Variants in FANCD2 observed in about 807,000 individuals in gnomAD.
The protein encoded by FANCD2 is Fanconi anemia group D2 protein.
Under a neutral mutation model 192.3 loss-of-function variants are expected in FANCD2, and 131 were observed. The observed-to-expected ratio is 0.68, with a 90% confidence interval of 0.59 to 0.79. The LOEUF (loss-of-function observed/expected upper bound fraction) is 0.79. FANCD2 is among the 30% of genes least tolerant of loss of function. FANCD2 has a pLI of 0.00. For missense variants in FANCD2, 1,508 were observed against 1,701.6 expected, an observed-to-expected ratio of 0.89 and a Z score of 2.00; for synonymous variants, 524 against 612.5, an observed-to-expected ratio of 0.86 and a Z score of 2.13.
At chr3:10,038,200 C>T (rs572126169) in intron 7 of FANCD2, among the ~76,000 whole-genome samples, 58 of 152,286 alleles carry the variant, frequency 3.8e-4, no homozygotes, top group African/African-American at 1.2e-3. Context: ...CCATGTTGGC[C>T]AGGCTGGCCT....
chr3:10,052,570 TGCA>T, intron 18 of FANCD2, 73 bp downstream of exon 18: 1 of 1,005,198 alleles, frequency 9.9e-7, no homozygotes, highest in Non-Finnish European at 1.6e-6. Flanking sequence ...TAGACTGGAG[TGCA>T]GTTGGCACGA....
chr3:10,030,582 G>GT (rs2086567267), intron 2 of FANCD2, among the ~76,000 whole-genome samples: 1 of 152,128 alleles, frequency 6.6e-6, no homozygotes, highest in Non-Finnish European at 1.5e-5. Flanking sequence ...CCAAAACCAT[G>GT]TAAGGAATAG....
chr3:10,033,761 C>T (rs1360371424), intron 3 of FANCD2, among the ~76,000 whole-genome samples: 8 of 109,418 alleles, frequency 7.3e-5, no homozygotes, highest in African/African-American at 2.6e-4. Context: ...AGTGCAGTGG[C>T]GCGATCTCTG....
rs186750908 is a variant in FANCD2, at chr3:10,059,521, C to A, written c.1657-773C>A. ...ATCCTTAAAACAACCTTCTCCATTT[C>A]GGGCCAGGCACGTAATCACCCCTGT... On this transcript the variant is annotated intron_variant, in intron 18 of 43. Transcript: ENST00000675286. Among the ~76,000 whole-genome samples the A allele has an allele frequency of 3.9e-5, 6 of 152,224 alleles. No homozygotes were observed. In the South Asian group the frequency reaches 1.2e-3, roughly 32 times the overall value.
Position 10,040,956 on chromosome 3 carries a change from G to A in FANCD2, c.696-667G>A, listed in dbSNP as rs554180120. On this transcript the variant is annotated intron_variant, in intron 9 of 43. Transcript: ENST00000675286. ...TGCCTTTAATCCCAGCATGTTGGGC[G>A]GCTGAAGTGGGTGGGTCACTTGAGC... The A allele has an allele frequency of 3.6e-5, 6 of 166,120 alleles. 1 individual carries two copies. In the South Asian group the frequency reaches 6.0e-4, roughly 17 times the overall value. 10.3% of individuals were successfully genotyped at this position (166,120 alleles called of 1,614,324 possible). A position where few individuals can be genotyped will look rare whatever the true frequency, so the allele number is the denominator to read the frequency against.
In FANCD2 at chr3:10,088,120, C is replaced by A. The variant is rs188909356; in HGVS notation, c.3467-329C>A. On this transcript the variant is annotated intron_variant, in intron 34 of 43. Transcript: ENST00000675286. ...GAGGTGACCACTGCTATTGGCCAGCCCAGGAGGAACAAGATTGGCCTTCCC... is the reference window on the plus strand; with the variant it reads ...GAGGTGACCACTGCTATTGGCCAGCACAGGAGGAACAAGATTGGCCTTCCC... 7.9e-5 allele frequency among the ~76,000 whole-genome samples: 12 copies of A among 152,202 alleles called. No homozygotes were observed. The East Asian group carries it at 2.3e-3, about 29-fold the overall frequency.
In FANCD2 at chr3:10,073,298, C is replaced by T; in HGVS notation, c.2651C>T (p.Thr884Ile). The change falls in exon 28 of 44, where the codon ACA becomes ATA. Residue 884 changes from threonine to isoleucine, a missense_variant. Coordinates refer to ENST00000675286, the MANE Select transcript of FANCD2 (RefSeq NM_001018115.3). ...TDGSKTSSSDTLSEEKNSECD... is the reference protein window; with the variant it reads ...TDGSKTSSSDILSEEKNSECD... ...GGCAGCAAGACATCCTCCTCTGACA[C>T]ACTTTCAGAAGAGAAAAATTCAGAA... 2 of 1,614,048 alleles carry T rather than the reference C, an allele frequency of 1.2e-6. No individual in the cohort carries two copies. The highest frequency in any genetic ancestry group is 8.5e-7 in the Non-Finnish European group (1 of 1,179,930).
At chr3:10,068,015 CA>C (rs2087768601) in intron 26 of FANCD2, among the ~76,000 whole-genome samples, 1 of 151,970 alleles carries the variant, frequency 6.6e-6, no homozygotes, top group Admixed American at 6.6e-5. Flanking sequence ...GGTATAGATC[CA>C]TAGCTACTAT....
intron 29 of FANCD2, among the ~76,000 whole-genome samples, chr3:10,075,165 G>A (rs930630070): frequency 4.0e-5 from 6 of 151,568 alleles, no homozygotes; most frequent in African/African-American, 1.2e-4. Context: ...CTAGCAATAC[G>A]GTAGCTTTAT....
chr3:10,038,333 G>T (rs1013375970), intron 7 of FANCD2, among the ~76,000 whole-genome samples: 10 of 152,042 alleles, frequency 6.6e-5, no homozygotes, highest in Admixed American at 2.6e-4. Context: ...AATGTCTCAT[G>T]CTGGATGCTT....
At chr3:10,040,211 T>A (rs1472315391) in intron 9 of FANCD2, 1 of 326,128 alleles carries the variant, frequency 3.1e-6, no homozygotes, top group Non-Finnish European at 5.9e-6. Context: ...ATTTTTTTGG[T>A]ATTTTTAGTA....
At chr3:10,069,593 C>T (rs1693053115) in intron 26 of FANCD2, among the ~76,000 whole-genome samples, 1 of 151,594 alleles carries the variant, frequency 6.6e-6, no homozygotes, top group Non-Finnish European at 1.5e-5. Context: ...TGCCGAGTGC[C>T]TGCGATTGCA....
rs369872417 is a variant in FANCD2, at chr3:10,073,980, C to T, written c.2716-550C>T. Among the ~76,000 whole-genome samples the T allele has an allele frequency of 1.4e-4, 22 of 152,268 alleles. 5 individuals are homozygous for T. The highest frequency in any genetic ancestry group is 3.9e-4 in the East Asian group (2 of 5,188). On this transcript the variant is annotated intron_variant, in intron 28 of 43. Coordinates refer to ENST00000675286, the MANE Select transcript of FANCD2 (RefSeq NM_001018115.3). Reference sequence around the variant, plus strand: ...TTTGTTTTTGAGATGGAGTCTCACTCTGTCACCCAGGCTGGAGTGCAGTGG... The same window carrying T: ...TTTGTTTTTGAGATGGAGTCTCACTTTGTCACCCAGGCTGGAGTGCAGTGG...
chr3:10,065,504 G>T lies in FANCD2; in HGVS notation c.2269+10G>T. 2.6e-6 allele frequency: 4 copies of T among 1,515,230 alleles called. No individual in the cohort carries two copies. The highest frequency in any genetic ancestry group is 3.7e-6 in the Non-Finnish European group (4 of 1,089,658). 93.9% of individuals were successfully genotyped at this position (1,515,230 alleles called of 1,614,324 possible). A position where few individuals can be genotyped will look rare whatever the true frequency, so the allele number is the denominator to read the frequency against. On this transcript the variant is annotated intron_variant, in intron 24 of 43. Transcript: ENST00000675286. ...ATTGATGGTCTACTAGGTATGGGAT[G>T]AAGTCATCAGATCCTTTCTTCTTTA...
In FANCD2 at chr3:10,054,437, ATG is replaced by A. The variant is rs1215727561; in HGVS notation, c.1656+1942_1656+1943del. On this transcript the variant is annotated intron_variant, in intron 18 of 43. Coordinates refer to ENST00000675286, the MANE Select transcript of FANCD2 (RefSeq NM_001018115.3). ...TATATACATATATACATGTATATAC[ATG>A]TATATACATATATATATATATATAT... Among the ~76,000 whole-genome samples, 323 of 55,660 alleles carry A rather than the reference ATG, an allele frequency of 5.8e-3. 2 individuals carry two copies. The highest frequency in any genetic ancestry group is 0.048 in the African/African-American group (230 of 4,842). The allele number at this position is 55,660 out of a possible 152,430, so 36.5% of individuals were successfully genotyped here.
chr3:10,041,836 A>ATC lies in FANCD2; in HGVS notation c.783+132_783+133dup. The stretch of plus-strand genomic sequence containing the variant: ...GAAACCATAGTGAATCACATTTGAT[A>ATC]TCTCTCTTTTTTTTTTTTTTTCCCC... On this transcript the variant is annotated intron_variant, in intron 10 of 43. Coordinates refer to ENST00000675286, the MANE Select transcript of FANCD2 (RefSeq NM_001018115.3). 4 of 670,394 alleles carry ATC rather than the reference A, an allele frequency of 6.0e-6. No homozygotes were observed. The African/African-American group carries it at 6.7e-5, about 11-fold the overall frequency. The allele number at this position is 670,394 out of a possible 1,614,324, so 41.5% of individuals were successfully genotyped here.
At chr3:10,077,046 C>T (rs1033776241) in intron 29 of FANCD2, among the ~76,000 whole-genome samples, 7 of 151,680 alleles carry the variant, frequency 4.6e-5, no homozygotes, top group African/African-American at 7.3e-5. Context: ...CTGGGTAACA[C>T]AGTGAGACCT....
intron 9 of FANCD2, chr3:10,040,833 C>T (rs1186383089): frequency 7.6e-6 from 2 of 262,844 alleles, no homozygotes; most frequent in East Asian, 1.2e-4. Context: ...CAAAGTACTA[C>T]GCCATCCACT....
At chr3:10,101,070 A>G in intron 43 of FANCD2, 118 bp from the exon 44 acceptor site, 1 of 792,890 alleles carries the variant, frequency 1.3e-6, no homozygotes. Context: ...TCCTTTAAAA[A>G]AAAAAAAAAG....
Sources: allele counts gnomAD v4.1 joint callset (sites outside exome capture counted in the v4.1 genomes callset), GRCh38; gene constraint gnomAD v4.1.1; transcripts MANE v1.5; gene names NCBI Gene and HGNC (gene_info 2026-07-23, HGNC 2026-07-21).